The following STK32B variants were observed in gnomAD, a reference collection of about 807,000 sequenced individuals.
STK32B encodes serine/threonine-protein kinase 32B.
A neutral mutation model predicts 52.6 loss-of-function variants in STK32B; 43 were observed. The observed-to-expected ratio is 0.82, with a 90% CI of 0.64 to 1.05. STK32B has a LOEUF of 1.05. Among genes scored for constraint, STK32B ranks in the 50% least tolerant of loss-of-function variants. The pLI is 0.00. For missense variants in STK32B, 621 were observed against 534.6 expected, an observed-to-expected ratio of 1.16 and a Z score of -1.59; for synonymous variants, 238 against 204.3, an observed-to-expected ratio of 1.17 and a Z score of -1.41.
chr4:5,179,948 C>T (rs1036443786), intron 3 of STK32B, among the ~76,000 whole-genome samples: 4 of 152,306 alleles, frequency 2.6e-5, no homozygotes, highest in African/African-American at 9.6e-5. Flanking sequence ...TGGGCAGTGA[C>T]AGACCTGGCT....
chr4:5,149,461 A>C (rs1031878962), intron 2 of STK32B, among the ~76,000 whole-genome samples: 1 of 151,656 alleles, frequency 6.6e-6, no homozygotes, highest in Admixed American at 6.6e-5. Context: ...CTATGTTTTA[A>C]TTTATCTATT....
chr4:5,053,265 G>A (rs1741859634), intron 1 of STK32B, among the ~76,000 whole-genome samples: 1 of 152,178 alleles, frequency 6.6e-6, no homozygotes, highest in African/African-American at 2.4e-5. Context: ...GCAGGGTCTT[G>A]GGGGCACAGA....
chr4:5,284,616 G>A (rs1437912642), intron 3 of STK32B, among the ~76,000 whole-genome samples: 1 of 151,726 alleles, frequency 6.6e-6, no homozygotes, highest in Non-Finnish European at 1.5e-5. Context: ...ATGTAAAGAT[G>A]TAGTGTGAAA....
chr4:5,327,493 A>C (rs1410060293), intron 3 of STK32B, among the ~76,000 whole-genome samples: 2 of 151,840 alleles, frequency 1.3e-5, no homozygotes, highest in Non-Finnish European at 2.9e-5. Flanking sequence ...TATCATGAAA[A>C]CAACATTAAT....
chr4:5,437,131 C>T (rs1254484970), intron 6 of STK32B, among the ~76,000 whole-genome samples: 1 of 152,212 alleles, frequency 6.6e-6, no homozygotes, highest in East Asian at 1.9e-4. Context: ...CGGGAAAGGA[C>T]CCTGGAGTCA....
chr4:5,483,553 G>C (rs1385447586), intron 11 of STK32B, among the ~76,000 whole-genome samples: 2 of 152,030 alleles, frequency 1.3e-5, no homozygotes, highest in Non-Finnish European at 2.9e-5. Context: ...TGGATTCATT[G>C]ATTTTTTGAA....
At chr4:5,376,887 C>T (rs1271707375) in intron 4 of STK32B, among the ~76,000 whole-genome samples, 1 of 152,186 alleles carries the variant, frequency 6.6e-6, no homozygotes, top group Non-Finnish European at 1.5e-5. Context: ...GCCTCCACCT[C>T]TGCCATACCC....
the STK32B span, among the ~76,000 whole-genome samples, chr4:5,041,875 A>G: frequency 6.6e-6 from 1 of 151,934 alleles, no homozygotes; most frequent in African/African-American, 2.4e-5. Flanking sequence ...AGCAGACGGT[A>G]TTTACTCTAA....
chr4:5,367,227 G>T (rs1734935629), intron 4 of STK32B, among the ~76,000 whole-genome samples: 1 of 152,112 alleles, frequency 6.6e-6, no homozygotes, highest in African/African-American at 2.4e-5. Flanking sequence ...TGAAAGGTCG[G>T]TTAGCCTCAT....
intron 9 of STK32B, among the ~76,000 whole-genome samples, chr4:5,464,018 G>A (rs867498551): frequency 6.6e-6 from 1 of 152,172 alleles, no homozygotes; most frequent in Non-Finnish European, 1.5e-5. Context: ...CATCAGCTTT[G>A]CTTCTGGGGA....
At chr4:5,458,458 A>G (rs1314968778) in intron 8 of STK32B, 1 of 152,250 alleles carries the variant, frequency 6.6e-6, no homozygotes, top group Non-Finnish European at 1.5e-5. Flanking sequence ...CAGAGATGAG[A>G]AAGCTGAGGC....
At chr4:5,034,225 G>A in the STK32B span, among the ~76,000 whole-genome samples, 8 of 152,196 alleles carry the variant, frequency 5.3e-5, no homozygotes, top group Non-Finnish European at 1.2e-4. Context: ...CAGCCACTGC[G>A]TCTCTTGCAA....
chr4:5,232,768 C>T (rs1724360788), intron 3 of STK32B, among the ~76,000 whole-genome samples: 1 of 152,156 alleles, frequency 6.6e-6, no homozygotes, highest in African/African-American at 2.4e-5. Context: ...TCCTTTGCCC[C>T]TTTAGGTCCA....
chr4:5,140,271 C>A (rs1487435303), intron 2 of STK32B: 1 of 1,378,154 alleles, frequency 7.3e-7, no homozygotes, highest in East Asian at 3.9e-5. Flanking sequence ...ATCACAAAGG[C>A]AGCTCTTTCC....
chr4:5,441,589 G>A (rs1273806617), intron 6 of STK32B, among the ~76,000 whole-genome samples: 4 of 151,584 alleles, frequency 2.6e-5, no homozygotes, highest in South Asian at 2.1e-4. Context: ...AGGGTTTTTT[G>A]TGTCTCTATT....
chr4:5,249,756 A>G (rs977719408), intron 3 of STK32B, among the ~76,000 whole-genome samples: 8 of 147,022 alleles, frequency 5.4e-5, no homozygotes, highest in Non-Finnish European at 1.2e-4. Flanking sequence ...CTCTCTCTTA[A>G]TTTATTGTTT....
intron 8 of STK32B, 135 bp from the exon 9 acceptor site, chr4:5,459,968 C>A: frequency 1.5e-6 from 2 of 1,335,112 alleles, no homozygotes; most frequent in South Asian, 1.3e-5. Context: ...ACAACAGTGA[C>A]CCAGACGGGG....
intron 3 of STK32B, among the ~76,000 whole-genome samples, chr4:5,237,878 CTAT>C (rs1461546996): frequency 6.6e-6 from 1 of 152,028 alleles, no homozygotes; most frequent in African/African-American, 2.4e-5. Flanking sequence ...CCCCATCTGA[CTAT>C]TATTTTTCAA....
chr4:5,414,679 A>G (rs1412781171), intron 5 of STK32B, among the ~76,000 whole-genome samples: 2 of 152,268 alleles, frequency 1.3e-5, no homozygotes, highest in Non-Finnish European at 2.9e-5. Flanking sequence ...CAAAGCCCCC[A>G]TATATATGGA....
Sources: gnomAD v4.1 joint callset for allele counts (sites outside exome capture counted in the v4.1 genomes callset) on GRCh38, gnomAD v4.1.1 for gene constraint, MANE v1.5 for transcripts, NCBI Gene and HGNC (gene_info 2026-07-23, HGNC 2026-07-21) for gene names.